Variants in ITPR2 observed in about 807,000 individuals in gnomAD.
ITPR2 encodes the protein inositol 1,4,5-trisphosphate-gated calcium channel ITPR2.
Under a neutral mutation model 317.1 loss-of-function variants are expected in ITPR2, and 207 were observed. The observed-to-expected ratio is 0.65, with a 90% CI of 0.58 to 0.73. The LOEUF (loss-of-function observed/expected upper bound fraction) is 0.73, where lower values mean the gene tolerates loss of function less well. Ranked by LOEUF, ITPR2 falls within the 30% of genes least tolerant of loss-of-function variation. The pLI, the probability that ITPR2 is intolerant of heterozygous loss-of-function variation, is 0.00. For missense variants in ITPR2, 2,613 were observed against 3,284.0 expected (o/e 0.80, Z 4.99); for synonymous variants, 1,156 against 1,149.1 (o/e 1.01, Z -0.12).
chr12:26,481,736 A>G (rs1406465089), intron 42 of ITPR2, among the ~76,000 whole-genome samples: 1 of 152,188 alleles, frequency 6.6e-6, no homozygotes, highest in Admixed American at 6.5e-5. Flanking sequence ...TGATGACAAG[A>G]GATGCTGCTG....
chr12:26,576,567 T>C (rs941994005), intron 34 of ITPR2, among the ~76,000 whole-genome samples: 3 of 152,164 alleles, frequency 2.0e-5, no homozygotes, highest in Admixed American at 6.5e-5. Flanking sequence ...CGCTCCAGAA[T>C]GTGGGGACCC....
intron 51 of ITPR2, among the ~76,000 whole-genome samples, chr12:26,414,050 T>TCACACACACACAC (rs1555121666): frequency 3.1e-3 from 422 of 138,194 alleles, no homozygotes; most frequent in Non-Finnish European, 3.2e-3. Flanking sequence ...TGTATATATG[T>TCACACACACACAC]ACACACACAC....
At chr12:26,468,971 T>C (rs1416944158) in intron 45 of ITPR2, among the ~76,000 whole-genome samples, 7 of 152,222 alleles carry the variant, frequency 4.6e-5, no homozygotes, top group Admixed American at 4.6e-4. Context: ...TTTTTGGCTC[T>C]TTGCAGAAGT....
intron 9 of ITPR2, among the ~76,000 whole-genome samples, chr12:26,698,859 T>A (rs1369205979): frequency 6.6e-6 from 1 of 152,128 alleles, no homozygotes; most frequent in African/African-American, 2.4e-5. Flanking sequence ...TCCTTTCTTC[T>A]GATTAAAGAA....
chr12:26,565,523 T>TAGAC (rs1209996436), intron 34 of ITPR2, among the ~76,000 whole-genome samples: 72 of 139,012 alleles, frequency 5.2e-4, no homozygotes, highest in South Asian at 2.1e-3. Flanking sequence ...GATAGATAGA[T>TAGAC]AGATAGACAG....
At chr12:26,405,885 G>C (rs1940331895) in intron 52 of ITPR2, among the ~76,000 whole-genome samples, 1 of 152,130 alleles carries the variant, frequency 6.6e-6, no homozygotes, top group African/African-American at 2.4e-5. Flanking sequence ...TTGAACCTGG[G>C]AAGTGCAGGT....
intron 26 of ITPR2, 136 bp downstream of exon 26, chr12:26,620,987 G>A (rs774462610): frequency 4.2e-6 from 3 of 717,202 alleles, no homozygotes; most frequent in Non-Finnish European, 4.6e-6. Context: ...TGACAACTTA[G>A]CAAATGAAAA....
At chr12:26,495,322 TATGTTAA>T (rs549121211) in intron 37 of ITPR2, 62 bp from the exon 38 acceptor site, 15 of 894,686 alleles carry the variant, frequency 1.7e-5, no homozygotes, top group Non-Finnish European at 2.3e-5. Flanking sequence ...AAAATGTCAG[TATGTTAA>T]ATGCTTTAAA....
chr12:26,656,804 C>T (rs1007405189), intron 18 of ITPR2, among the ~76,000 whole-genome samples: 1 of 152,170 alleles, frequency 6.6e-6, no homozygotes, highest in South Asian at 2.1e-4. Context: ...TGTCACTAGG[C>T]ACTCCATTCT....
intron 34 of ITPR2, among the ~76,000 whole-genome samples, chr12:26,567,645 A>T (rs1268439683): frequency 6.6e-6 from 1 of 152,108 alleles, no homozygotes; most frequent in Non-Finnish European, 1.5e-5. Context: ...AAGTTTTTTC[A>T]AACAATTGTA....
At chr12:26,654,457 T>C (rs978109152) in intron 20 of ITPR2, among the ~76,000 whole-genome samples, 5 of 152,204 alleles carry the variant, frequency 3.3e-5, no homozygotes, top group African/African-American at 7.2e-5. Flanking sequence ...ATTAATTACC[T>C]TAATAAATGG....
chr12:26,464,973 C>T (rs1591807458), intron 45 of ITPR2, among the ~76,000 whole-genome samples: 3 of 152,196 alleles, frequency 2.0e-5, no homozygotes, highest in Admixed American at 2.0e-4. Flanking sequence ...AATGCAGATC[C>T]TGAGCAAGCA....
chr12:26,532,364 G>T (rs1316510733), intron 37 of ITPR2, among the ~76,000 whole-genome samples: 2 of 152,160 alleles, frequency 1.3e-5, no homozygotes, highest in East Asian at 3.9e-4. Flanking sequence ...CTCCAGAAAA[G>T]GGACATTTTT....
chr12:26,826,900 C>G (rs1951016832), intron 1 of ITPR2, among the ~76,000 whole-genome samples: 2 of 152,168 alleles, frequency 1.3e-5, no homozygotes, highest in Admixed American at 6.5e-5. Context: ...TCTGTGGTAC[C>G]TGACCATTGG....
intron 45 of ITPR2, among the ~76,000 whole-genome samples, chr12:26,474,844 A>G (rs953235326): frequency 1.3e-4 from 19 of 151,850 alleles, no homozygotes; most frequent in African/African-American, 4.4e-4. Context: ...CACACTTCCA[A>G]TCAGAGGCTG....
intron 4 of ITPR2, among the ~76,000 whole-genome samples, 159 bp downstream of exon 4, chr12:26,724,497 C>A (rs1441295971): frequency 6.6e-6 from 1 of 152,144 alleles, no homozygotes; most frequent in African/African-American, 2.4e-5. Context: ...TAGTGCAGCA[C>A]ATATCAAATG....
At chr12:26,502,669 G>A (rs1234426563) in intron 37 of ITPR2, among the ~76,000 whole-genome samples, 2 of 152,168 alleles carry the variant, frequency 1.3e-5, no homozygotes. Context: ...TGGGGGGTAA[G>A]GCAAAGTATG....
chr12:26,748,408 G>A (rs926006477), intron 2 of ITPR2, among the ~76,000 whole-genome samples: 12 of 152,136 alleles, frequency 7.9e-5, no homozygotes, highest in African/African-American at 2.9e-4. Context: ...CTATTACCAA[G>A]AAATCATTCT....
chr12:26,702,402 C>T (rs910327184), intron 9 of ITPR2, among the ~76,000 whole-genome samples: 4 of 10,758 alleles, frequency 3.7e-4, no homozygotes, highest in African/African-American at 5.4e-4. Context: ...TTTTTGGGGG[C>T]GGGGGTGGGG....
Sources: allele counts gnomAD v4.1 joint callset (sites outside exome capture counted in the v4.1 genomes callset), GRCh38; gene constraint gnomAD v4.1.1; transcripts MANE v1.5; gene names NCBI Gene and HGNC (gene_info 2026-07-23, HGNC 2026-07-21).